Variants in CDH13 observed in about 807,000 individuals in gnomAD.
CDH13 encodes cadherin-13.
CDH13 carries 24 observed loss-of-function variants against 63.8 expected under a neutral mutation model. The ratio of observed to expected loss-of-function variants is 0.38; its 90% CI spans 0.27 to 0.53. CDH13 has a LOEUF of 0.53. Ranked by LOEUF, CDH13 falls within the 20% of genes least tolerant of loss-of-function variation. The pLI is 0.85. For synonymous variants in CDH13, 503 were observed against 355.3 expected (o/e 1.42, Z -4.67); for missense variants, 1,049 against 903.1 (o/e 1.16, Z -2.07).
At chr16:82,753,407 T>C (rs1366211572) in intron 1 of CDH13, among the ~76,000 whole-genome samples, 1 of 152,192 alleles carries the variant, frequency 6.6e-6, no homozygotes, top group Non-Finnish European at 1.5e-5. Context: ...GGGGGCTTTC[T>C]ACCCTGTCTT....
At chr16:83,060,976 A>T (rs2031492990) in intron 3 of CDH13, among the ~76,000 whole-genome samples, 1 of 151,878 alleles carries the variant, frequency 6.6e-6, no homozygotes, top group East Asian at 1.9e-4. Context: ...AATGACTCTC[A>T]CTCCTACACT....
At position 83,515,874 on chromosome 16, in the gene CDH13, T is replaced by G. The variant is rs557827026; in HGVS notation, c.960+29219T>G. On this transcript the variant is annotated intron_variant, in intron 7 of 13. Transcript: ENST00000567109. ...CATTAAAAGATTGCCTATATATTTA[T>G]AAATTTAATCTTTATATAGGAATTA... Among the ~76,000 whole-genome samples, 13 of 152,292 alleles carry G rather than the reference T, an allele frequency of 8.5e-5. No individual in the cohort carries two copies. The South Asian group carries it at 2.5e-3, about 29-fold the overall frequency.
chr16:83,261,649 A>G (rs1026485734), intron 5 of CDH13, among the ~76,000 whole-genome samples: 7 of 152,080 alleles, frequency 4.6e-5, no homozygotes, highest in African/African-American at 1.4e-4. Flanking sequence ...CTAGTGCCAA[A>G]GCTGAGAAGC....
chr16:83,132,232 C>T (rs1307864755), intron 4 of CDH13, among the ~76,000 whole-genome samples: 2 of 152,162 alleles, frequency 1.3e-5, no homozygotes, highest in Non-Finnish European at 2.9e-5. Flanking sequence ...CATCACCCCT[C>T]TCCTGAAATG....
intron 10 of CDH13, among the ~76,000 whole-genome samples, chr16:83,728,333 A>ATGTGTGTGCGTGTG (rs1555521375): frequency 2.1e-5 from 1 of 46,850 alleles, no homozygotes; most frequent in Non-Finnish European, 6.5e-5. Context: ...GTGTATGTGT[A>ATGTGTGTGCGTGTG]TGTGTGTGCG....
chr16:83,271,422 T>TAAAAAATAAA (rs2088807123), intron 5 of CDH13, among the ~76,000 whole-genome samples: 1 of 26,004 alleles, frequency 3.8e-5, no homozygotes, highest in Non-Finnish European at 7.1e-5. Context: ...GCAGAGTTCA[T>TAAAAAATAAA]AAAAAAAAAA....
intron 5 of CDH13, among the ~76,000 whole-genome samples, chr16:83,310,430 G>T (rs945198127): frequency 1.3e-5 from 2 of 152,212 alleles, no homozygotes; most frequent in Non-Finnish European, 2.9e-5. Context: ...ACAAATATAT[G>T]TAACAGATGC....
chr16:83,308,967 C>T (rs540937504), intron 5 of CDH13, among the ~76,000 whole-genome samples: 1 of 152,188 alleles, frequency 6.6e-6, no homozygotes, highest in East Asian at 1.9e-4. Context: ...GGCACCAGGT[C>T]ACACTGGGTT....
chr16:83,595,958 C>T (rs1358332678), intron 7 of CDH13, among the ~76,000 whole-genome samples: 1 of 152,220 alleles, frequency 6.6e-6, no homozygotes, highest in African/African-American at 2.4e-5. Flanking sequence ...GCCATCAAAG[C>T]TCCAGTCCTT....
chr16:83,240,320 C>G (rs1047748128), intron 5 of CDH13, among the ~76,000 whole-genome samples: 1 of 152,038 alleles, frequency 6.6e-6, no homozygotes, highest in Non-Finnish European at 1.5e-5. Context: ...TGCATGGATT[C>G]TGGCTTCTGA....
At chr16:83,424,716 T>G (rs1339588441) in intron 6 of CDH13, among the ~76,000 whole-genome samples, 3 of 152,208 alleles carry the variant, frequency 2.0e-5, no homozygotes, top group Non-Finnish European at 4.4e-5. Flanking sequence ...TGGAACATTA[T>G]TGTATAATTT....
chr16:83,351,815 G>A (rs1217032805), intron 6 of CDH13, among the ~76,000 whole-genome samples: 1 of 152,166 alleles, frequency 6.6e-6, no homozygotes, highest in African/African-American at 2.4e-5. Flanking sequence ...GAGGATTTTA[G>A]TCTGTATCTT....
chr16:83,480,822 G>A (rs1049000980), intron 6 of CDH13, among the ~76,000 whole-genome samples: 2 of 152,022 alleles, frequency 1.3e-5, no homozygotes, highest in African/African-American at 2.4e-5. Flanking sequence ...AATGAGAATC[G>A]TTCCAACTAG....
intron 7 of CDH13, among the ~76,000 whole-genome samples, chr16:83,549,583 C>G (rs7190940): frequency 0.3 from 45,079 of 151,000 alleles, 6,779 homozygotes; most frequent in Middle Eastern, 0.36. Context: ...CACTCCCTAA[C>G]CCCACTCCCG....
At chr16:83,485,826 C>T (rs1055795212) in intron 6 of CDH13, among the ~76,000 whole-genome samples, 2 of 152,074 alleles carry the variant, frequency 1.3e-5, no homozygotes, top group African/African-American at 4.8e-5. Flanking sequence ...AGCCCAGGCA[C>T]ATGGAGTTGG....
chr16:82,791,205 C>T (rs1000196743), intron 1 of CDH13, among the ~76,000 whole-genome samples: 1 of 148,938 alleles, frequency 6.7e-6, no homozygotes, highest in Non-Finnish European at 1.5e-5. Flanking sequence ...CCACTGCACT[C>T]CAGCCTGGGC....
chr16:83,140,581 G>C (rs1321243525), intron 4 of CDH13, among the ~76,000 whole-genome samples: 1 of 152,138 alleles, frequency 6.6e-6, no homozygotes, highest in Non-Finnish European at 1.5e-5. Flanking sequence ...AGCCCCCAGG[G>C]TAGCTGGGAT....
At chr16:83,458,180 C>A (rs2073075078) in intron 6 of CDH13, among the ~76,000 whole-genome samples, 1 of 152,200 alleles carries the variant, frequency 6.6e-6, no homozygotes, top group Admixed American at 6.5e-5. Flanking sequence ...CCTGCTGGAT[C>A]CAGGATCCCA....
At chr16:82,634,522 A>G (rs1409917453) in intron 1 of CDH13, among the ~76,000 whole-genome samples, 2 of 152,194 alleles carry the variant, frequency 1.3e-5, no homozygotes, top group Non-Finnish European at 2.9e-5. Context: ...AGGGGTTGCA[A>G]ATTATGGCCC....
Sources: allele counts gnomAD v4.1 joint callset (sites outside exome capture counted in the v4.1 genomes callset), GRCh38; gene constraint gnomAD v4.1.1; transcripts MANE v1.5; gene names NCBI Gene and HGNC (gene_info 2026-07-23, HGNC 2026-07-21).